Variants in CNTNAP2 observed in about 807,000 individuals in gnomAD.
CNTNAP2 encodes the protein contactin-associated protein-like 2.
Under a neutral mutation model 155.2 loss-of-function variants are expected in CNTNAP2, and 98 were observed. That is an observed-to-expected ratio of 0.63 (90% CI 0.54 to 0.75). CNTNAP2 has a LOEUF of 0.75. CNTNAP2 is among the 30% of genes least tolerant of loss of function. The pLI is 0.00. For missense variants in CNTNAP2, 1,727 were observed against 1,688.1 expected (o/e 1.02, Z -0.40); for synonymous variants, 651 against 631.2 (o/e 1.03, Z -0.47).
intron 13 of CNTNAP2, among the ~76,000 whole-genome samples, chr7:147,680,432 A>G (rs1184806100): frequency 6.6e-6 from 1 of 151,984 alleles, no homozygotes; most frequent in Non-Finnish European, 1.5e-5. Context: ...GGTATTTAAA[A>G]TATTCAGCCA....
At chr7:147,375,944 G>T (rs567153001) in intron 9 of CNTNAP2, among the ~76,000 whole-genome samples, 1 of 152,136 alleles carries the variant, frequency 6.6e-6, no homozygotes, top group Non-Finnish European at 1.5e-5. Context: ...TACCCTGGAA[G>T]AATTGATGAA....
At chr7:147,762,175 A>ACACACT (rs1797313233) in intron 13 of CNTNAP2, among the ~76,000 whole-genome samples, 1 of 151,760 alleles carries the variant, frequency 6.6e-6, no homozygotes, top group African/African-American at 2.4e-5. Flanking sequence ...ACACACACAC[A>ACACACT]CACACACACA....
intron 1 of CNTNAP2, among the ~76,000 whole-genome samples, chr7:146,130,841 G>A (rs1410948392): frequency 1.3e-5 from 2 of 152,158 alleles, no homozygotes; most frequent in Non-Finnish European, 2.9e-5. Context: ...AGATGAGAGA[G>A]AAGAGCATGA....
chr7:147,908,745 A>T (rs1022471655), intron 14 of CNTNAP2, among the ~76,000 whole-genome samples: 1 of 152,222 alleles, frequency 6.6e-6, no homozygotes, highest in Non-Finnish European at 1.5e-5. Context: ...CAGGGTAAAA[A>T]TAAAGGTTCT....
chr7:148,038,160 T>C (rs1484342054), intron 15 of CNTNAP2, among the ~76,000 whole-genome samples: 1 of 152,248 alleles, frequency 6.6e-6, no homozygotes, highest in Non-Finnish European at 1.5e-5. Context: ...ATCTTCTTAT[T>C]AGTTACAAAA....
At chr7:147,673,623 T>C (rs1412664519) in intron 13 of CNTNAP2, among the ~76,000 whole-genome samples, 1 of 152,164 alleles carries the variant, frequency 6.6e-6, no homozygotes, top group African/African-American at 2.4e-5. Flanking sequence ...TCCGATGAAA[T>C]CTAAATTAAA....
At chr7:148,129,749 A>G (rs1804789148) in intron 16 of CNTNAP2, among the ~76,000 whole-genome samples, 1 of 152,250 alleles carries the variant, frequency 6.6e-6, no homozygotes, top group Non-Finnish European at 1.5e-5. Context: ...AGGTTGAACA[A>G]GATGGTATTT....
At chr7:148,178,759 T>C (rs1481627751) in intron 18 of CNTNAP2, among the ~76,000 whole-genome samples, 2 of 152,242 alleles carry the variant, frequency 1.3e-5, no homozygotes, top group Non-Finnish European at 2.9e-5. Context: ...TGAATGAATT[T>C]CCACATGAAG....
At chr7:146,395,804 G>C (rs989162397) in intron 1 of CNTNAP2, among the ~76,000 whole-genome samples, 20 of 140,086 alleles carry the variant, frequency 1.4e-4, no homozygotes, top group African/African-American at 4.4e-4. Context: ...TAGATAGATA[G>C]ATAGATAGAT....
chr7:146,334,685 G>A (rs1201505008), intron 1 of CNTNAP2, among the ~76,000 whole-genome samples: 3 of 152,102 alleles, frequency 2.0e-5, no homozygotes, highest in African/African-American at 7.2e-5. Context: ...CAGGTCCCAT[G>A]ACAATGTCAC....
At chr7:148,387,258 C>G (rs1296840134) in intron 22 of CNTNAP2, among the ~76,000 whole-genome samples, 1 of 152,180 alleles carries the variant, frequency 6.6e-6, no homozygotes, top group Non-Finnish European at 1.5e-5. Context: ...CAATTGCACT[C>G]TGGTTTCGTG....
chr7:148,200,746 T>C (rs934600915), intron 18 of CNTNAP2, among the ~76,000 whole-genome samples: 2 of 152,222 alleles, frequency 1.3e-5, no homozygotes, highest in African/African-American at 4.8e-5. Context: ...AAGATATAAA[T>C]AGAAGGCTTT....
At chr7:146,207,176 A>G (rs1212122184) in intron 1 of CNTNAP2, among the ~76,000 whole-genome samples, 7 of 152,066 alleles carry the variant, frequency 4.6e-5, no homozygotes, top group East Asian at 3.9e-4. Flanking sequence ...TTTCATTCTA[A>G]TTTATTGTGA....
chr7:146,633,842 A>AAAAAAAAAAAAAAAC (rs1799551858), intron 1 of CNTNAP2, among the ~76,000 whole-genome samples: 1 of 150,412 alleles, frequency 6.6e-6, no homozygotes, highest in Non-Finnish European at 1.5e-5. Context: ...GAAAAAAAAA[A>AAAAAAAAAAAAAAAC]AAAAAAAAAA....
At chr7:147,521,337 G>A (rs1799226437) in intron 11 of CNTNAP2, among the ~76,000 whole-genome samples, 1 of 152,070 alleles carries the variant, frequency 6.6e-6, no homozygotes, top group Non-Finnish European at 1.5e-5. Flanking sequence ...TCTCATACAA[G>A]GTTTGGATCA....
chr7:146,968,160 C>T (rs1174314365), intron 3 of CNTNAP2, among the ~76,000 whole-genome samples: 2 of 151,170 alleles, frequency 1.3e-5, no homozygotes, highest in Non-Finnish European at 3.0e-5. Flanking sequence ...GGGATGAAGC[C>T]CACTTGATCA....
chr7:146,693,947 C>T (rs962419430), intron 1 of CNTNAP2, among the ~76,000 whole-genome samples: 2 of 151,672 alleles, frequency 1.3e-5, no homozygotes, highest in South Asian at 4.2e-4. Context: ...CATGCGTTTT[C>T]ATTGTTCAGC....
At chr7:146,822,838 T>C (rs912849587) in intron 2 of CNTNAP2, among the ~76,000 whole-genome samples, 2 of 149,738 alleles carry the variant, frequency 1.3e-5, no homozygotes, top group African/African-American at 2.4e-5. Flanking sequence ...AATATAAATA[T>C]ACTCGTTCTT....
chr7:147,577,485 T>C (rs1800416462), intron 12 of CNTNAP2, among the ~76,000 whole-genome samples: 2 of 150,630 alleles, frequency 1.3e-5, no homozygotes, highest in Admixed American at 6.6e-5. Context: ...CTTCCATTGC[T>C]CTCTAAATCA....
Sources: allele counts gnomAD v4.1 joint callset (sites outside exome capture counted in the v4.1 genomes callset), GRCh38; gene constraint gnomAD v4.1.1; transcripts MANE v1.5; gene names NCBI Gene and HGNC (gene_info 2026-07-23, HGNC 2026-07-21).